Variants in PLPPR1 observed in about 807,000 individuals in gnomAD.
PLPPR1 encodes phospholipid phosphatase related 1, also known as phospholipid phosphatase-related protein type 1.
A neutral mutation model predicts 33.1 loss-of-function variants in PLPPR1; 10 were observed. That is an observed-to-expected ratio of 0.30 (90% CI 0.19 to 0.51). The LOEUF (loss-of-function observed/expected upper bound fraction) is 0.51. Ranked by LOEUF, PLPPR1 falls within the 20% of genes least tolerant of loss-of-function variation. The pLI is 0.97. For missense variants in PLPPR1, 304 were observed against 408.1 expected (o/e 0.74, Z 2.20); for synonymous variants, 151 against 151.0 (o/e 1.00, Z 0.00).
At chr9:101,182,001 A>G (rs1372686430) in intron 1 of PLPPR1, among the ~76,000 whole-genome samples, 1 of 151,284 alleles carries the variant, frequency 6.6e-6, no homozygotes, top group Non-Finnish European at 1.5e-5. Context: ...CCTAGGTAGT[A>G]TATATATAGT....
At chr9:101,216,373 TTTTG>T (rs139982047) in intron 2 of PLPPR1, among the ~76,000 whole-genome samples, 4,101 of 152,252 alleles carry the variant, frequency 0.027, 170 homozygotes, top group African/African-American at 0.093. Context: ...GATTGGATTT[TTTTG>T]TTTGTTTGTT....
chr9:101,217,241 C>A (rs1588077187), intron 2 of PLPPR1, among the ~76,000 whole-genome samples: 6 of 151,256 alleles, frequency 4.0e-5, no homozygotes, highest in African/African-American at 1.5e-4. Flanking sequence ...AAATCACTGC[C>A]CTGCTTAAAA....
intron 1 of PLPPR1, among the ~76,000 whole-genome samples, chr9:101,112,314 A>T (rs1011754709): frequency 5.9e-5 from 9 of 152,226 alleles, no homozygotes; most frequent in African/African-American, 4.8e-5. Flanking sequence ...ATAGAATTAA[A>T]AAGTGAGTAC....
At chr9:101,186,718 G>C (rs1254947197) in intron 2 of PLPPR1, among the ~76,000 whole-genome samples, 2 of 151,832 alleles carry the variant, frequency 1.3e-5, no homozygotes, top group Admixed American at 1.3e-4. Context: ...GTGTTTGGCT[G>C]ATCATTGAGT....
At chr9:101,313,773 C>T (rs549528899) in intron 6 of PLPPR1, among the ~76,000 whole-genome samples, 18 of 152,166 alleles carry the variant, frequency 1.2e-4, no homozygotes, top group Non-Finnish European at 2.4e-4. Flanking sequence ...CAATAAATGA[C>T]ACATCAAGTA....
intron 2 of PLPPR1, among the ~76,000 whole-genome samples, chr9:101,235,950 A>C (rs1827290905): frequency 6.6e-6 from 1 of 151,836 alleles, no homozygotes; most frequent in South Asian, 2.1e-4. Flanking sequence ...ACCTGACAAA[A>C]TGGGAACCAG....
intron 1 of PLPPR1, among the ~76,000 whole-genome samples, chr9:101,117,692 A>G (rs1831132463): frequency 6.6e-6 from 1 of 151,968 alleles, no homozygotes; most frequent in African/African-American, 2.4e-5. Context: ...CTCTGAAATC[A>G]CACATGTGAA....
intron 2 of PLPPR1, among the ~76,000 whole-genome samples, chr9:101,267,598 T>C (rs2039128): frequency 0.33 from 50,030 of 152,048 alleles, 8,348 homozygotes; most frequent in African/African-American, 0.4. Context: ...ACAAGTCATG[T>C]GTAAGGGCTA....
intron 1 of PLPPR1, among the ~76,000 whole-genome samples, chr9:101,114,445 A>T (rs926895177): frequency 1.6e-4 from 25 of 152,322 alleles, no homozygotes; most frequent in African/African-American, 6.0e-4. Flanking sequence ...GGCTGTGTGG[A>T]TAGGGTCATC....
Position 101,309,342 on chromosome 9 carries a change from C to T in PLPPR1, c.517C>T (p.His173Tyr), listed in dbSNP as rs1193151487. The T allele has an allele frequency of 2.5e-6, 4 of 1,614,124 alleles. No individual in the cohort carries two copies. In the South Asian group the frequency reaches 3.3e-5, roughly 13 times the overall value. Residue 173 changes from histidine (H) to tyrosine (Y), a missense_variant, in exon 5 of 8, where the codon CAC becomes TAC. By Grantham distance (83) the His-to-Tyr change is moderately conservative. Transcript: ENST00000374874. ...NYTSADCQAH[H>Y]QFINNGNICT... Reference sequence around the variant, plus strand: ...CACCAGTGCAGACTGCCAAGCGCACCACCAGTTTATAAACAATGGGAACAT... The same window carrying T: ...CACCAGTGCAGACTGCCAAGCGCACTACCAGTTTATAAACAATGGGAACAT...
At chr9:101,320,007 A>C (rs1356694292) in intron 7 of PLPPR1, among the ~76,000 whole-genome samples, 3 of 152,212 alleles carry the variant, frequency 2.0e-5, no homozygotes, top group African/African-American at 7.2e-5. Context: ...TCTCAGGGCC[A>C]CTGATGGTTG....
At chr9:101,319,303 A>G (rs1829111494) in intron 7 of PLPPR1, among the ~76,000 whole-genome samples, 1 of 141,864 alleles carries the variant, frequency 7.0e-6, no homozygotes, top group Admixed American at 6.7e-5. Flanking sequence ...CAGCCTCCCA[A>G]GTAGCTGGGA....
chr9:101,313,998 G>T (rs1829008804), intron 6 of PLPPR1, among the ~76,000 whole-genome samples: 1 of 151,962 alleles, frequency 6.6e-6, no homozygotes, highest in African/African-American at 2.4e-5. Flanking sequence ...CCTTTTTATT[G>T]CTGTGTAGTA....
At chr9:101,192,803 G>T (rs987990844) in intron 2 of PLPPR1, among the ~76,000 whole-genome samples, 1 of 152,074 alleles carries the variant, frequency 6.6e-6, no homozygotes, top group Admixed American at 6.6e-5. Flanking sequence ...ACTGAATAAG[G>T]CTTCAAACAA....
At chr9:101,161,564 G>T (rs909361663) in intron 1 of PLPPR1, among the ~76,000 whole-genome samples, 4 of 152,028 alleles carry the variant, frequency 2.6e-5, no homozygotes, top group African/African-American at 9.7e-5. Flanking sequence ...CTGTAAAATG[G>T]GGTTATTAAT....
At chr9:101,156,578 GAAAGAAAGAAA>G (rs1269544965) in intron 1 of PLPPR1, among the ~76,000 whole-genome samples, 1 of 126,926 alleles carries the variant, frequency 7.9e-6, no homozygotes, top group Non-Finnish European at 1.7e-5. Flanking sequence ...AAAAAAGAAA[GAAAGAAAGAAA>G]AAAAAGAAAT....
intron 1 of PLPPR1, among the ~76,000 whole-genome samples, chr9:101,139,836 T>C (rs1474638231): frequency 6.6e-6 from 1 of 152,212 alleles, no homozygotes; most frequent in African/African-American, 2.4e-5. Context: ...ACAGTCTCCC[T>C]AGAATGGCCA....
chr9:101,242,194 A>G (rs1230072285), intron 2 of PLPPR1, among the ~76,000 whole-genome samples: 1 of 151,688 alleles, frequency 6.6e-6, no homozygotes, highest in Non-Finnish European at 1.5e-5. Context: ...GAGTGTGGGT[A>G]CTTCAAGAAG....
At chr9:101,277,194 T>G (rs1467538508) in intron 3 of PLPPR1, among the ~76,000 whole-genome samples, 1 of 152,206 alleles carries the variant, frequency 6.6e-6, no homozygotes, top group Non-Finnish European at 1.5e-5. Context: ...AGGGAGAATA[T>G]TAGAAGTATC....
Sources: allele counts gnomAD v4.1 joint callset (sites outside exome capture counted in the v4.1 genomes callset), GRCh38; gene constraint gnomAD v4.1.1; transcripts MANE v1.5; gene names NCBI Gene and HGNC (gene_info 2026-07-23, HGNC 2026-07-21).